Variants in FAAP100 observed in about 807,000 individuals in gnomAD.
FAAP100 encodes FA core complex associated protein 100.
A neutral mutation model predicts 65.8 loss-of-function variants in FAAP100; 46 were observed. That is an observed-to-expected ratio of 0.70 (90% confidence interval 0.55 to 0.89). The LOEUF (loss-of-function observed/expected upper bound fraction) is 0.89, where lower values mean the gene tolerates loss of function less well. Ranked by LOEUF, FAAP100 falls within the 40% of genes least tolerant of loss-of-function variation. FAAP100 has a pLI of 0.00. For missense variants in FAAP100, 1,165 were observed against 1,196.7 expected (o/e 0.97, Z 0.39); for synonymous variants, 663 against 555.1 (o/e 1.19, Z -2.73).
In FAAP100 at chr17:81,547,188, G is replaced by A. The variant is rs1178944599; in HGVS notation, c.1894C>T (p.Leu632=). 1 of 1,555,032 alleles carries A rather than the reference G, an allele frequency of 6.4e-7. No homozygotes were observed. The highest frequency in any genetic ancestry group is 1.4e-5 in the African/African-American group (1 of 73,866). The change falls in exon 5 of 9, where the codon CTG becomes TTG. Residue 632 remains leucine, a synonymous_variant. Transcript: ENST00000327787. ...PFLDECPSDV[L]PEQEGVCLPL... is the part of the protein sequence containing the mutation. ...AGGCAAACACCCTCTTGCTCGGGCA[G>A]GACGTCGGAGGGGCACTCATCCAGA...
At chr17:81,551,711 AACCATGTG>A in intron 2 of FAAP100, 1 of 1,333,948 alleles carries the variant, frequency 7.5e-7, no homozygotes, top group Non-Finnish European at 9.5e-7. Flanking sequence ...CCGTGGGCTT[AACCATGTG>A]AACCCCACTT....
In FAAP100 at chr17:81,546,613, C is replaced by G. The variant is rs947768069; in HGVS notation, c.2173+296G>C. 8 of 351,650 alleles carry G rather than the reference C, an allele frequency of 2.3e-5. No homozygotes were observed. The Admixed American group carries it at 3.2e-4, about 14-fold the overall frequency. The allele number at this position is 351,650 out of a possible 1,614,324, so 21.8% of individuals were successfully genotyped here. A position where few individuals can be genotyped will look rare whatever the true frequency, so the allele number is the denominator to read the frequency against. ...AACAGCAGAGAGAACGCAGGCGAAG[C>G]TCATTTCCTGAGCAGAGCTCGCTGG... On this transcript the variant is annotated intron_variant, in intron 5 of 8. Coordinates refer to ENST00000327787, the MANE Select transcript of FAAP100 (RefSeq NM_025161.6).
chr17:81,544,786 T>C (rs1400576798), intron 6 of FAAP100, among the ~76,000 whole-genome samples: 1 of 152,198 alleles, frequency 6.6e-6, no homozygotes, highest in Non-Finnish European at 1.5e-5. Flanking sequence ...AGCACCGACC[T>C]GCCGGGCCAC....
At position 81,540,756 on chromosome 17, in the gene FAAP100, G is replaced by A; in HGVS notation, c.*63C>T. 1 of 1,450,326 alleles carries A rather than the reference G, an allele frequency of 6.9e-7. No homozygotes were observed. Among genetic ancestry groups the A allele is most frequent in the East Asian group, 2.5e-5 (1 of 39,604 alleles). The allele number at this position is 1,450,326 out of a possible 1,614,324, so 89.8% of individuals were successfully genotyped here. A position where few individuals can be genotyped will look rare whatever the true frequency, so the allele number is the denominator to read the frequency against. The stretch of plus-strand genomic sequence containing the variant: ...AGCTCGGTTTCCCTCTAACCCATGA[G>A]GCCTGGGGGGGCTGTGACAGAGGCT... On this transcript the variant is annotated 3_prime_UTR_variant, in exon 9 of 9. Transcript: ENST00000327787.
At chr17:81,546,030 C>A in intron 5 of FAAP100, 148 bp from the exon 6 acceptor site, 4 of 1,133,312 alleles carry the variant, frequency 3.5e-6, no homozygotes, top group Non-Finnish European at 4.8e-6. Flanking sequence ...CCACCCTAAG[C>A]TGCGGCGTGG....
rs1219685318 is a variant in FAAP100 at position 81,550,993 on chromosome 17, T to A, written c.501A>T (p.Gly167=). ...ACAGCTCCACCTCACCGATCTGGCC[T>A]CCTGGCCGGGGGTCCTCCCCAGGAC... ...QPCPGEDPRP[G]GQIGEVELSS... is the part of the protein sequence containing the mutation. Residue 167 remains glycine, a synonymous_variant, in exon 3 of 9, where the codon GGA becomes GGT. Transcript: ENST00000327787. 2 of 1,611,790 alleles carry A rather than the reference T, an allele frequency of 1.2e-6. No individual in the cohort carries two copies. The highest frequency in any genetic ancestry group is 2.2e-5 in the South Asian group (2 of 90,834).
Position 81,540,894 on chromosome 17 carries a change from G to A in FAAP100, c.2571C>T (p.Ala857=). 6.3e-7 allele frequency: 1 copy of A among 1,586,944 alleles called. No homozygotes were observed. Among genetic ancestry groups the A allele is most frequent in the South Asian group, 1.1e-5 (1 of 88,140 alleles). The stretch of plus-strand genomic sequence containing the variant: ...GCCTCTGGGCGGTGGCACAGGAGCT[G>A]GCCTCATCCTCCGTGCAGAGCCGGT... ...LRDRLCTEDE[A]SSCATAQRLL... The change falls in exon 9 of 9, where the codon GCC becomes GCT. Residue 857 remains alanine (A), a synonymous_variant. Transcript: ENST00000327787.
chr17:81,541,309 C>T lies in FAAP100; in HGVS notation c.2514G>A (p.Glu838=), dbSNP rs772057325. Residue 838 remains glutamate (E), a splice_region_variant and synonymous_variant, in exon 8 of 9, where the codon GAG becomes GAA. Coordinates refer to ENST00000327787, the MANE Select transcript of FAAP100 (RefSeq NM_025161.6). ...ACTGCCCGGGGAACCGGGTGCTCAC[C>T]TCGTGGTTGGCGTGGATCTGGCGGA... The part of the protein sequence containing the change: ...QYLRQIHANH[E]TLLREVQTLR... The T allele has an allele frequency of 4.2e-5, 68 of 1,610,876 alleles. No homozygotes were observed. Among genetic ancestry groups the T allele is most frequent in the Non-Finnish European group, 5.3e-5 (63 of 1,179,374 alleles).
chr17:81,547,363 G>A lies in FAAP100; in HGVS notation c.1719C>T (p.Gly573=), dbSNP rs373686285. 1 of 1,612,840 alleles carries A rather than the reference G, an allele frequency of 6.2e-7. No homozygotes were observed. The highest frequency in any genetic ancestry group is 8.5e-7 in the Non-Finnish European group (1 of 1,179,970). The change falls in exon 5 of 9, where the codon GGC becomes GGT. Residue 573 remains glycine, a synonymous_variant. Transcript: ENST00000327787. ...GCGTCACCTCCCGCCGAGCACCGGG[G>A]CCGAGCTGGTCCACGGGGATGGTGT... ...ITYTIPVDQL[G]PGARREVTLP...
chr17:81,542,901 T>G (rs1371296982), intron 7 of FAAP100, among the ~76,000 whole-genome samples: 2 of 152,230 alleles, frequency 1.3e-5, no homozygotes, highest in Non-Finnish European at 2.9e-5. Context: ...CAGAGTTTCC[T>G]CTGACAGGCA....
In FAAP100 at chr17:81,547,136, A is replaced by C; in HGVS notation, c.1946T>G (p.Met649Arg). 6.5e-7 allele frequency: 1 copy of C among 1,533,834 alleles called. No individual in the cohort carries two copies. Residue 649 changes from methionine (M) to arginine (R), a missense_variant, in exon 5 of 9, where the codon ATG (methionine) becomes AGG (arginine). By Grantham distance (91) the Met-to-Arg change is moderately conservative. Transcript: ENST00000327787. The stretch of plus-strand genomic sequence containing the variant: ...GCCAGGGAAGCGCAGACACTGCAGC[A>C]TGTCCACTGTGTGCCTGCTCAGGGG... ...CLPLSRHTVD[M>R]LQCLRFPGLA...
intron 4 of FAAP100, 51 bp downstream of exon 4, chr17:81,549,155 T>G (rs1301683554): frequency 6.7e-7 from 1 of 1,496,870 alleles, no homozygotes. Flanking sequence ...GGACGCTACC[T>G]CCCAAGGATG....
rs765965102 is a variant in FAAP100 at position 81,550,508 on chromosome 17, T to C, written c.986A>G (p.Asp329Gly). 1 of 1,612,750 alleles carries C rather than the reference T, an allele frequency of 6.2e-7. No individual in the cohort carries two copies. Residue 329 changes from aspartate to glycine, a missense_variant, in exon 3 of 9, where the codon GAT becomes GGT. Physicochemically the swap from Asp to Gly is moderately conservative, Grantham distance 94. Coordinates refer to ENST00000327787, the MANE Select transcript of FAAP100 (RefSeq NM_025161.6). Reference protein sequence around the residue: ...GRMLAIKASWDESGKLVPELR... With the variant: ...GRMLAIKASWGESGKLVPELR... ...CTCGGGCACCAGCTTCCCGGACTCA[T>C]CCCAGCTGGCCTTGATGGCCAGCAT...
Position 81,545,876 on chromosome 17 carries a change from G to A in FAAP100, c.2180C>T (p.Pro727Leu), listed in dbSNP as rs753146265. The change falls in exon 6 of 9, where the codon CCC (proline) becomes CTC (leucine). Residue 727 changes from proline to leucine, a missense_variant. Pro to Leu is a moderately conservative substitution (Grantham distance 98). Transcript: ENST00000327787. ...AALKDGHSGV[P>L]LCCATLQWLL... The stretch of plus-strand genomic sequence containing the variant: ...CCACTGCAGGGTGGCACAGCACAGG[G>A]GCACGCCTGGAGGGGAGGCATCAGC... 1 of 1,606,270 alleles carries A rather than the reference G, an allele frequency of 6.2e-7. No homozygotes were observed. The highest frequency in any genetic ancestry group is 1.1e-5 in the South Asian group (1 of 91,040).
chr17:81,549,201 C>T lies in FAAP100; in HGVS notation c.1403+5G>A. 1 of 1,611,868 alleles carries T rather than the reference C, an allele frequency of 6.2e-7. No homozygotes were observed. Among genetic ancestry groups the T allele is most frequent in the Non-Finnish European group, 8.5e-7 (1 of 1,179,912 alleles). ...CCTCTACCCGGTCCGAGCTGAGCTG[C>T]TCACCTCTCAGAGATGTTGCCAATT... On this transcript the variant is annotated splice_donor_5th_base_variant and intron_variant, in intron 4 of 8. Transcript: ENST00000327787.
At chr17:81,551,824 G>T (rs1011472263) in intron 2 of FAAP100, 104 bp downstream of exon 2, 2 of 1,391,694 alleles carry the variant, frequency 1.4e-6, no homozygotes, top group Non-Finnish European at 1.9e-6. Flanking sequence ...TTCAGAGCTG[G>T]CGGCAGCCCG....
chr17:81,542,829 G>C (rs542907055), intron 7 of FAAP100, among the ~76,000 whole-genome samples: 1 of 152,216 alleles, frequency 6.6e-6, no homozygotes, highest in African/African-American at 2.4e-5. Context: ...ACAAACCCAG[G>C]GGCTGGAGCT....
At chr17:81,550,148 G>T in intron 3 of FAAP100, 100 bp downstream of exon 3, 1 of 1,200,842 alleles carries the variant, frequency 8.3e-7, no homozygotes, top group Non-Finnish European at 1.2e-6. Context: ...CCTTGCAAAA[G>T]AACAAGCCCA....
chr17:81,552,223 G>A lies in FAAP100; in HGVS notation c.108C>T (p.Phe36=), dbSNP rs1023524864. The change falls in exon 1 of 9, where the codon TTC becomes TTT. Residue 36 remains phenylalanine (F), a synonymous_variant. Coordinates refer to ENST00000327787, the MANE Select transcript of FAAP100 (RefSeq NM_025161.6). ...PRVLCHEAEV[F]LSTGSELVYV... is the part of the protein sequence containing the mutation. ...AGACGAGCTCGCTCCCGGTGGACAG[G>A]AAGACCTCTGCCTCATGGCACAGCA... The A allele has an allele frequency of 8.7e-6, 13 of 1,500,014 alleles. No homozygotes were observed. The highest frequency in any genetic ancestry group is 1.7e-4 in the Middle Eastern group (1 of 5,916). The allele number at this position is 1,500,014 out of a possible 1,614,324, so 92.9% of individuals were successfully genotyped here. A position where few individuals can be genotyped will look rare whatever the true frequency, so the allele number is the denominator to read the frequency against.
Sources: allele counts gnomAD v4.1 joint callset (sites outside exome capture counted in the v4.1 genomes callset), GRCh38; gene constraint gnomAD v4.1.1; transcripts MANE v1.5; gene names NCBI Gene and HGNC (gene_info 2026-07-23, HGNC 2026-07-21).